The following SAMD12 variants were observed in gnomAD, a reference collection of about 807,000 sequenced individuals.
SAMD12 encodes sterile alpha motif domain-containing protein 12.
A neutral mutation model predicts 15.0 loss-of-function variants in SAMD12; 9 were observed. The observed-to-expected ratio is 0.60, with a 90% confidence interval of 0.36 to 1.05. SAMD12 has a LOEUF of 1.05. Ranked by LOEUF, SAMD12 falls within the 50% of genes least tolerant of loss-of-function variation. SAMD12 has a pLI of 0.01. For synonymous variants in SAMD12, 86 were observed against 90.1 expected (o/e 0.96, Z 0.25); for missense variants, 230 against 234.2 (o/e 0.98, Z 0.12).
chr8:118,346,027 G>A (rs1817629041), intron 4 of SAMD12, among the ~76,000 whole-genome samples: 1 of 152,174 alleles, frequency 6.6e-6, no homozygotes, highest in Non-Finnish European at 1.5e-5. Flanking sequence ...CTTGCTCTCT[G>A]GAGACCCTTG....
intron 2 of SAMD12, among the ~76,000 whole-genome samples, chr8:118,549,013 G>T (rs866987673): frequency 1.3e-5 from 2 of 152,370 alleles, no homozygotes; most frequent in East Asian, 3.9e-4. Flanking sequence ...TTAGGTAAAC[G>T]AAGCAGCCAG....
chr8:118,580,168 G>A (rs1404273741), intron 2 of SAMD12, among the ~76,000 whole-genome samples: 1 of 152,140 alleles, frequency 6.6e-6, no homozygotes, highest in Non-Finnish European at 1.5e-5. Context: ...TAAGTCAATA[G>A]ATCAAGAGTC....
intron 4 of SAMD12, among the ~76,000 whole-genome samples, chr8:118,359,081 G>A (rs1818370033): frequency 6.6e-6 from 1 of 151,942 alleles, no homozygotes; most frequent in African/African-American, 2.4e-5. Flanking sequence ...GTTATGGGCT[G>A]AATTATTCCC....
chr8:118,405,221 C>T (rs537698595), intron 3 of SAMD12, among the ~76,000 whole-genome samples: 12 of 152,202 alleles, frequency 7.9e-5, no homozygotes, highest in East Asian at 3.9e-4. Context: ...CAAGACCCAA[C>T]GATTCCATTT....
chr8:118,377,514 T>G (rs145399746), downstream of SAMD12, among the ~76,000 whole-genome samples: 181 of 152,152 alleles, frequency 1.2e-3, 1 homozygote, highest in East Asian at 0.032. Context: ...CAAAGGGAAC[T>G]GAATGAAAGA....
chr8:118,460,174 C>T (rs558100827), intron 2 of SAMD12, among the ~76,000 whole-genome samples: 1 of 152,308 alleles, frequency 6.6e-6, no homozygotes, highest in African/African-American at 2.4e-5. Flanking sequence ...TCTTTTTCTT[C>T]TATGAATTAC....
chr8:118,498,405 T>C (rs1489295014), intron 2 of SAMD12, among the ~76,000 whole-genome samples: 1 of 152,250 alleles, frequency 6.6e-6, no homozygotes, highest in East Asian at 1.9e-4. Flanking sequence ...ATCTGCTTGT[T>C]GGCATGTTAT....
intron 2 of SAMD12, among the ~76,000 whole-genome samples, chr8:118,492,122 C>CT (rs543720456): frequency 0.22 from 29,429 of 131,940 alleles, 4,303 homozygotes; most frequent in African/African-American, 0.43. Context: ...CTGGTGTTGC[C>CT]TTTTTTTTTT....
Position 118,482,474 on chromosome 8 carries a change from T to TA in SAMD12, c.193-42514dup, listed in dbSNP as rs1317087327. ...TTGGACGGGAAATATATATTTTTTT[T>TA]AAATTGTGTCTGTACTAAGTATGTA... On this transcript the variant is annotated intron_variant, in intron 2 of 3. Coordinates refer to ENST00000314727, the MANE Select transcript of SAMD12 (RefSeq NM_207506.3). Among the ~76,000 whole-genome samples, 3 of 152,016 alleles carry TA rather than the reference T, an allele frequency of 2.0e-5. No individual in the cohort carries two copies. In the East Asian group the frequency reaches 5.8e-4, roughly 29 times the overall value.
chr8:118,381,471 G>A (rs758459453), intron 3 of SAMD12, among the ~76,000 whole-genome samples: 6 of 152,184 alleles, frequency 3.9e-5, no homozygotes, highest in Admixed American at 6.5e-5. Context: ...TGACAAAAGG[G>A]ACTTTGCAAA....
At position 118,284,188 on chromosome 8, in the gene SAMD12, A is replaced by G. The variant is rs1813806581; in HGVS notation, c.434-86456T>C. ...CCGATGGCCACTTTTTGCCCACCTT[A>G]ATGATAAAATGAAGAAAGCTCCAGG... is the stretch of plus-strand genomic sequence containing the variant. On this transcript the variant is annotated intron_variant, in intron 4 of 4. Transcript: ENST00000409003. 9.2e-6 allele frequency: 4 copies of G among 433,234 alleles called. No homozygotes were observed. In the Admixed American group the frequency reaches 1.1e-4, roughly 12 times the overall value. 26.8% of individuals were successfully genotyped at this position (433,234 alleles called of 1,614,324 possible). A position where few individuals can be genotyped will look rare whatever the true frequency, so the allele number is the denominator to read the frequency against.
Position 118,340,046 on chromosome 8 carries a change from C to CA in SAMD12, c.433+39513dup, listed in dbSNP as rs1319866622. On this transcript the variant is annotated intron_variant, in intron 4 of 4. Coordinates refer to the SAMD12 transcript ENST00000409003. ...GGTGACTAACACACATTCCTTTGTT[C>CA]ATTCATTTATTCAACAAACATTTAC... 2.0e-5 allele frequency among the ~76,000 whole-genome samples: 3 copies of CA among 152,208 alleles called. No individual in the cohort carries two copies. The East Asian group carries it at 5.8e-4, about 29-fold the overall frequency.
At chr8:118,235,300 T>A (rs1812404104) in intron 4 of SAMD12, among the ~76,000 whole-genome samples, 1 of 152,074 alleles carries the variant, frequency 6.6e-6, no homozygotes, top group South Asian at 2.1e-4. Context: ...AACTTCTGCC[T>A]CACGGGTTCA....
intron 2 of SAMD12, among the ~76,000 whole-genome samples, chr8:118,569,860 T>G (rs1417313063): frequency 6.6e-6 from 1 of 152,246 alleles, no homozygotes; most frequent in Non-Finnish European, 1.5e-5. Context: ...TGAGGCTGAC[T>G]AATACAGCAT....
intron 4 of SAMD12, among the ~76,000 whole-genome samples, chr8:118,315,478 T>C (rs1042426201): frequency 5.3e-5 from 8 of 152,186 alleles, no homozygotes; most frequent in Non-Finnish European, 7.3e-5. Flanking sequence ...TTGTAAGGCA[T>C]CTGTGGGGTG....
At chr8:118,614,992 C>A (rs973790659) in intron 1 of SAMD12, among the ~76,000 whole-genome samples, 1 of 152,174 alleles carries the variant, frequency 6.6e-6, no homozygotes, top group Non-Finnish European at 1.5e-5. Flanking sequence ...GGACCATATG[C>A]AAGATCCAAC....
chr8:118,175,125 C>T, the SAMD12 span, among the ~76,000 whole-genome samples: 4 of 151,680 alleles, frequency 2.6e-5, no homozygotes, highest in Non-Finnish European at 5.9e-5. Context: ...CAGCTGGGTG[C>T]TGGTACAAAA....
In SAMD12 at chr8:118,332,932, G is replaced by A. The variant is rs138083127; in HGVS notation, c.433+46628C>T. ...TTAAGGGAAGTTAGGGGCCCTTCTA[G>A]TGACCTCATATTTATCTCATGCTTA... On this transcript the variant is annotated intron_variant, in intron 4 of 4. Transcript: ENST00000409003. 1.4e-3 allele frequency among the ~76,000 whole-genome samples: 218 copies of A among 152,258 alleles called. 8 individuals carry two copies. Among genetic ancestry groups the A allele is most frequent in the Admixed American group, 0.013 (194 of 15,298 alleles).
chr8:118,287,982 G>A (rs1335230307), intron 4 of SAMD12, among the ~76,000 whole-genome samples: 1 of 152,116 alleles, frequency 6.6e-6, no homozygotes, highest in African/African-American at 2.4e-5. Context: ...TTTAAATCCC[G>A]TGTTCTGATA....
Sources: allele counts gnomAD v4.1 joint callset (sites outside exome capture counted in the v4.1 genomes callset), GRCh38; gene constraint gnomAD v4.1.1; transcripts MANE v1.5; gene names NCBI Gene and HGNC (gene_info 2026-07-23, HGNC 2026-07-21).